The following MBTD1 variants were observed in gnomAD, a reference collection of about 807,000 sequenced individuals.
The protein encoded by MBTD1 is MBT domain-containing protein 1.
Under a neutral mutation model 87.8 loss-of-function variants are expected in MBTD1, and 24 were observed. The ratio of observed to expected loss-of-function variants is 0.27; its 90% CI spans 0.20 to 0.38. The LOEUF (loss-of-function observed/expected upper bound fraction) is 0.38. MBTD1 is among the 10% of genes least tolerant of loss of function. The pLI, the probability that MBTD1 is intolerant of heterozygous loss-of-function variation, is 1.00. For missense variants in MBTD1, 436 were observed against 760.2 expected (o/e 0.57, Z 5.02); for synonymous variants, 237 against 248.6 (o/e 0.95, Z 0.44).
chr17:51,230,335 T>G (rs1442208181), intron 2 of MBTD1, among the ~76,000 whole-genome samples: 2 of 152,224 alleles, frequency 1.3e-5, no homozygotes, highest in African/African-American at 2.4e-5. Flanking sequence ...ACTTTGATAC[T>G]TGTTAGCTGT....
chr17:51,187,401 CAAAA>C (rs201877980), intron 16 of MBTD1, among the ~76,000 whole-genome samples: 8 of 113,668 alleles, frequency 7.0e-5, no homozygotes, highest in East Asian at 2.8e-4. Context: ...GACCTTGTCT[CAAAA>C]AAAAAAAAAA....
At chr17:51,221,063 CAGG>C (rs2052858590) in intron 3 of MBTD1, among the ~76,000 whole-genome samples, 1 of 152,228 alleles carries the variant, frequency 6.6e-6, no homozygotes, top group Non-Finnish European at 1.5e-5. Flanking sequence ...GAGGCCGAGG[CAGG>C]AGAACTGGCT....
intron 6 of MBTD1, among the ~76,000 whole-genome samples, chr17:51,208,939 G>A (rs917161800): frequency 6.6e-6 from 1 of 152,200 alleles, no homozygotes; most frequent in Non-Finnish European, 1.5e-5. Flanking sequence ...GATTGGTATA[G>A]GAGAAAGTAG....
Position 51,218,962 on chromosome 17 carries a change from G to A in MBTD1, c.371C>T (p.Ala124Val). 1 of 1,550,608 alleles carries A rather than the reference G, an allele frequency of 6.4e-7. No homozygotes were observed. Among genetic ancestry groups the A allele is most frequent in the Non-Finnish European group, 8.7e-7 (1 of 1,146,146 alleles). The stretch of plus-strand genomic sequence containing the variant: ...TGTCTTTGCTTGATTTTGCAAGGTA[G>A]CTTGATACTGAGCATATGCGGCTAG... ...AKLAAYAQYQATLQNQAKTKA... is the reference protein window; with the variant it reads ...AKLAAYAQYQVTLQNQAKTKA... Residue 124 changes from alanine (A) to valine (V), a missense_variant, in exon 5 of 17, where the codon GCT becomes GTT. Transcript: ENST00000586178.
At chr17:51,221,316 AAAAC>A (rs537477498) in intron 3 of MBTD1, among the ~76,000 whole-genome samples, 102 of 152,304 alleles carry the variant, frequency 6.7e-4, no homozygotes, top group South Asian at 3.9e-3. Context: ...AAAACAAAAC[AAAAC>A]AAACAAACAA....
intron 2 of MBTD1, among the ~76,000 whole-genome samples, chr17:51,255,280 C>CA (rs543671090): frequency 1.2e-3 from 173 of 139,050 alleles, no homozygotes; most frequent in South Asian, 0.011. Context: ...GACTCCATCT[C>CA]AAAAAAAAAA....
intron 12 of MBTD1, among the ~76,000 whole-genome samples, chr17:51,196,883 CTG>C (rs2051138099): frequency 6.6e-6 from 1 of 151,316 alleles, no homozygotes; most frequent in Non-Finnish European, 1.5e-5. Context: ...CAGAGCAAGA[CTG>C]TTTCAAAGGG....
At chr17:51,208,593 C>A (rs768377683) in intron 6 of MBTD1, among the ~76,000 whole-genome samples, 12 of 152,108 alleles carry the variant, frequency 7.9e-5, no homozygotes, top group Non-Finnish European at 1.8e-4. Flanking sequence ...TGTACCTATT[C>A]GAGTAGATAG....
chr17:51,223,026 G>T (rs527473729), intron 3 of MBTD1, among the ~76,000 whole-genome samples: 1 of 151,526 alleles, frequency 6.6e-6, no homozygotes, highest in South Asian at 2.1e-4. Flanking sequence ...GGATGGTCTC[G>T]ATTTCTTGAC....
At chr17:51,181,783 T>C (rs1270946906) in intron 16 of MBTD1, among the ~76,000 whole-genome samples, 1 of 152,116 alleles carries the variant, frequency 6.6e-6, no homozygotes, top group East Asian at 1.9e-4. Context: ...CCTGCCTGAG[T>C]TCTTATCTGA....
At chr17:51,219,089 TCAC>T (rs2052739757) in intron 4 of MBTD1, 45 bp from the exon 5 acceptor site, 3 of 963,394 alleles carry the variant, frequency 3.1e-6, no homozygotes, top group Non-Finnish European at 4.9e-6. Flanking sequence ...TTTCATCCCC[TCAC>T]CACCACAATT....
chr17:51,258,101 G>A (rs2055199844), intron 2 of MBTD1, among the ~76,000 whole-genome samples: 1 of 151,656 alleles, frequency 6.6e-6, no homozygotes, highest in African/African-American at 2.4e-5. Context: ...AAGTCCACAA[G>A]AGCAAAGCAA....
intron 2 of MBTD1, among the ~76,000 whole-genome samples, chr17:51,235,874 G>T (rs937988077): frequency 6.6e-6 from 1 of 152,130 alleles, no homozygotes; most frequent in African/African-American, 2.4e-5. Context: ...ACAAAGTTAA[G>T]ACTAAAGCTT....
intron 6 of MBTD1, among the ~76,000 whole-genome samples, chr17:51,215,090 T>C (rs1054004616): frequency 6.6e-6 from 1 of 152,222 alleles, no homozygotes; most frequent in African/African-American, 2.4e-5. Flanking sequence ...AAGACAGATT[T>C]TTCCTGTTTG....
Position 51,180,587 on chromosome 17 carries a change from G to A in MBTD1, c.1876C>T (p.Gln626Ter). The change falls in exon 17 of 17, where the codon CAA becomes TAA. Residue 626 changes from glutamine (Q) to a stop codon, truncating the protein, a stop_gained. Transcript: ENST00000586178. LOFTEE classifies it high-confidence loss of function. ...SNGSANFYIK[Q>*]EP Reference sequence around the variant, plus strand: ...GTTTCTAAGCCACCTCATGGCTCTTGTTTGATGTAGAAGTTGGCAGAGCCA... The same window carrying A: ...GTTTCTAAGCCACCTCATGGCTCTTATTTGATGTAGAAGTTGGCAGAGCCA... 1 of 1,542,484 alleles carries A rather than the reference G, an allele frequency of 6.5e-7. No individual in the cohort carries two copies. The highest frequency in any genetic ancestry group is 2.0e-5 in the Admixed American group (1 of 50,690).
intron 7 of MBTD1, 41 bp from the exon 8 acceptor site, chr17:51,203,966 A>G: frequency 6.7e-7 from 1 of 1,491,068 alleles, no homozygotes; most frequent in Non-Finnish European, 9.2e-7. Flanking sequence ...AAGAAAATAA[A>G]ATTAAATAAA....
chr17:51,199,856 G>A (rs1273263566), intron 12 of MBTD1, among the ~76,000 whole-genome samples: 1 of 149,930 alleles, frequency 6.7e-6, no homozygotes, highest in Admixed American at 6.7e-5. Flanking sequence ...ACAGAGTCTC[G>A]CTCTGTCACC....
chr17:51,257,878 C>G (rs1346248961), intron 2 of MBTD1, among the ~76,000 whole-genome samples: 2 of 151,962 alleles, frequency 1.3e-5, no homozygotes, highest in Non-Finnish European at 2.9e-5. Context: ...CATGACGCAA[C>G]AACGTAAGGC....
intron 2 of MBTD1, among the ~76,000 whole-genome samples, chr17:51,255,504 C>T (rs1312810839): frequency 1.3e-5 from 2 of 151,832 alleles, no homozygotes; most frequent in Non-Finnish European, 2.9e-5. Context: ...TACAGATACA[C>T]AAGGGGGCTA....
Sources: allele counts gnomAD v4.1 joint callset (sites outside exome capture counted in the v4.1 genomes callset), GRCh38; gene constraint gnomAD v4.1.1; transcripts MANE v1.5; gene names NCBI Gene and HGNC (gene_info 2026-07-23, HGNC 2026-07-21).